Variants in CCDC169 observed in about 807,000 individuals in gnomAD.
CCDC169 encodes coiled-coil domain containing 169.
A neutral mutation model predicts 36.0 loss-of-function variants in CCDC169; 30 were observed. The observed-to-expected ratio is 0.83, with a 90% CI of 0.62 to 1.13. CCDC169 has a LOEUF of 1.13. Among genes scored for constraint, CCDC169 ranks in the 50% most tolerant of loss-of-function variants. The probability of loss-of-function intolerance (pLI) is 0.00; values close to 1 mark genes in which losing one functional copy is unlikely to be tolerated. For missense variants in CCDC169, 245 were observed against 245.9 expected, an observed-to-expected ratio of 1.00 and a Z score of 0.03; for synonymous variants, 85 against 81.5, an observed-to-expected ratio of 1.04 and a Z score of -0.23.
chr13:36,252,345 A>G (rs1231293060), intron 6 of CCDC169, among the ~76,000 whole-genome samples: 1 of 152,240 alleles, frequency 6.6e-6, no homozygotes, highest in African/African-American at 2.4e-5. Flanking sequence ...ACCTTAGTCA[A>G]CACTACAACA....
chr13:36,296,340 GC>G (rs1325378126), intron 1 of CCDC169, among the ~76,000 whole-genome samples: 1 of 152,146 alleles, frequency 6.6e-6, no homozygotes, highest in East Asian at 1.9e-4. Context: ...GATCCGCCCA[GC>G]CTCGGCCTCC....
At chr13:36,236,574 A>G (rs1173664318) in intron 7 of CCDC169, among the ~76,000 whole-genome samples, 2 of 152,110 alleles carry the variant, frequency 1.3e-5, no homozygotes, top group African/African-American at 4.8e-5. Flanking sequence ...CTTCTTATGT[A>G]TGACACCTAA....
chr13:36,244,216 TG>T (rs1376205471), intron 7 of CCDC169, among the ~76,000 whole-genome samples: 4 of 152,140 alleles, frequency 2.6e-5, no homozygotes, highest in African/African-American at 9.7e-5. Flanking sequence ...GGAAACTTAC[TG>T]GTAAACAGTT....
chr13:36,264,839 C>T (rs986731485), intron 4 of CCDC169, among the ~76,000 whole-genome samples: 1 of 152,092 alleles, frequency 6.6e-6, no homozygotes, highest in Non-Finnish European at 1.5e-5. Flanking sequence ...AAACCCAGAC[C>T]CTGTCCTCAT....
At chr13:36,277,525 CT>C (rs1876977031) in intron 4 of CCDC169, among the ~76,000 whole-genome samples, 1 of 152,110 alleles carries the variant, frequency 6.6e-6, no homozygotes, top group Non-Finnish European at 1.5e-5. Context: ...GGCTACAGGT[CT>C]TTGCTGAACA....
At chr13:36,282,003 A>G (rs1381754996) in intron 4 of CCDC169, among the ~76,000 whole-genome samples, 2 of 152,256 alleles carry the variant, frequency 1.3e-5, no homozygotes, top group Non-Finnish European at 2.9e-5. Flanking sequence ...GTCAAATAAC[A>G]TATAAAATAT....
At chr13:36,292,091 G>A (rs529406037) in intron 2 of CCDC169, among the ~76,000 whole-genome samples, 4 of 150,880 alleles carry the variant, frequency 2.7e-5, no homozygotes, top group South Asian at 2.1e-4. Flanking sequence ...CGGTTCAATC[G>A]ATTCTCCTGC....
At position 36,233,301 on chromosome 13, in the gene CCDC169, C is replaced by T. The variant is rs140940898; in HGVS notation, c.546-2009G>A. Among the ~76,000 whole-genome samples the T allele has an allele frequency of 1.9e-3, 292 of 152,084 alleles. 1 individual carries two copies. Among genetic ancestry groups the T allele is most frequent in the African/African-American group, 6.6e-3 (274 of 41,502 alleles). The stretch of plus-strand genomic sequence containing the variant: ...AGAAAAGTCACTAAACAAGCAGCAG[C>T]AAAAACAGTGACAACAACAAACCCT... On this transcript the variant is annotated intron_variant, in intron 7 of 7. Coordinates refer to ENST00000239859, the MANE Select transcript of CCDC169 (RefSeq NM_001144981.3).
rs76335531 is a variant in CCDC169 at position 36,274,727 on chromosome 13, T to C, written c.315+8742A>G. Among the ~76,000 whole-genome samples, 387 of 152,304 alleles carry C rather than the reference T, an allele frequency of 2.5e-3. 3 individuals are homozygous for C. The highest frequency in any genetic ancestry group is 7.0e-3 in the African/African-American group (291 of 41,572). On this transcript the variant is annotated intron_variant, in intron 4 of 7. Coordinates refer to ENST00000239859, the MANE Select transcript of CCDC169 (RefSeq NM_001144981.3). ...GTTTTAATTTGCTTTTTAAAGGTCA[T>C]TTTCCAAGAGTAGATTGAAACAACA...
chr13:36,265,887 C>T (rs1295781563), intron 4 of CCDC169, among the ~76,000 whole-genome samples: 1 of 152,168 alleles, frequency 6.6e-6, no homozygotes, highest in African/African-American at 2.4e-5. Context: ...GGAATTTGGT[C>T]ATAGATTTCC....
chr13:36,283,780 G>T, intron 2 of CCDC169, 78 bp from the exon 3 acceptor site: 3 of 1,082,570 alleles, frequency 2.8e-6, no homozygotes, highest in Non-Finnish European at 4.0e-6. Context: ...TTATGAGCTT[G>T]ATCTTACTCT....
At chr13:36,241,944 C>T (rs1871877252) in intron 7 of CCDC169, among the ~76,000 whole-genome samples, 1 of 152,030 alleles carries the variant, frequency 6.6e-6, no homozygotes, top group African/African-American at 2.4e-5. Context: ...AGTGGGTTCT[C>T]ACGAAATCTG....
rs372276538 is a variant in CCDC169, at chr13:36,259,683, C to T, written c.316-5540G>A. Among the ~76,000 whole-genome samples, 35 of 151,884 alleles carry T rather than the reference C, an allele frequency of 2.3e-4. 2 individuals are homozygous for T. In the East Asian group the frequency reaches 4.9e-3, roughly 21 times the overall value. ...TCTATGCAAATGAAGGATAGGCTCACGACCAATCAGAGGCTGAAGTGAAGA... is the reference window on the plus strand; with the variant it reads ...TCTATGCAAATGAAGGATAGGCTCATGACCAATCAGAGGCTGAAGTGAAGA... On this transcript the variant is annotated intron_variant, in intron 4 of 7. Transcript: ENST00000239859.
At chr13:36,243,818 A>G (rs971265136) in intron 7 of CCDC169, among the ~76,000 whole-genome samples, 1 of 152,148 alleles carries the variant, frequency 6.6e-6, no homozygotes, top group Admixed American at 6.5e-5. Flanking sequence ...ATAAATAAAT[A>G]AATAAGTAAA....
chr13:36,288,036 T>A (rs1399650461), intron 2 of CCDC169, among the ~76,000 whole-genome samples: 3 of 151,532 alleles, frequency 2.0e-5, no homozygotes, highest in Non-Finnish European at 4.4e-5. Context: ...TGAGATGGAG[T>A]CTCGCTCTGT....
intron 7 of CCDC169, among the ~76,000 whole-genome samples, chr13:36,232,403 C>T (rs914288525): frequency 6.6e-6 from 1 of 152,142 alleles, no homozygotes; most frequent in African/African-American, 2.4e-5. Flanking sequence ...GGGGCATTTG[C>T]TGGAACAATA....
intron 1 of CCDC169, 89 bp downstream of exon 1, chr13:36,297,548 C>CA: frequency 1.5e-6 from 2 of 1,305,098 alleles, no homozygotes; most frequent in Non-Finnish European, 2.1e-6. Flanking sequence ...GGTCTTACAG[C>CA]ACCCTCAGCG....
chr13:36,230,123 G>A (rs530577374), downstream of CCDC169, among the ~76,000 whole-genome samples: 910 of 152,240 alleles, frequency 6.0e-3, 6 homozygotes, highest in Middle Eastern at 0.017. Context: ...TTTTATAGAA[G>A]AAGTTACAGA....
At chr13:36,255,075 T>C (rs1459405022) in intron 4 of CCDC169, among the ~76,000 whole-genome samples, 1 of 152,102 alleles carries the variant, frequency 6.6e-6, no homozygotes, top group African/African-American at 2.4e-5. Context: ...GACATGGCGG[T>C]CATCCAGCTT....
Sources: gnomAD v4.1 joint callset for allele counts (sites outside exome capture counted in the v4.1 genomes callset) on GRCh38, gnomAD v4.1.1 for gene constraint, MANE v1.5 for transcripts, NCBI Gene and HGNC (gene_info 2026-07-23, HGNC 2026-07-21) for gene names.